The following BTG4 variants were observed in gnomAD, a reference collection of about 807,000 sequenced individuals.
BTG4 encodes BTG anti-proliferation factor 4, also known as protein BTG4.
Under a neutral mutation model 19.3 loss-of-function variants are expected in BTG4, and 10 were observed. That is an observed-to-expected ratio of 0.52 (90% confidence interval 0.32 to 0.88). The LOEUF is 0.88. BTG4 is among the 40% of genes least tolerant of loss of function. BTG4 has a pLI of 0.04. For synonymous variants in BTG4, 91 were observed against 95.7 expected (o/e 0.95, Z 0.29); for missense variants, 238 against 281.9 (o/e 0.84, Z 1.11).
chr11:111,512,115 C>T (rs1300035851), intron 1 of BTG4, 66 bp downstream of exon 1: 3 of 152,148 alleles, frequency 2.0e-5, no homozygotes, highest in African/African-American at 7.2e-5. Flanking sequence ...AAGCCATCCT[C>T]CCATATGTCA....
chr11:111,480,611 T>C (rs769294105), intron 5 of BTG4, among the ~76,000 whole-genome samples: 1 of 151,780 alleles, frequency 6.6e-6, no homozygotes, highest in Non-Finnish European at 1.5e-5. Context: ...GAGTGTATTG[T>C]CCAACCAGAA....
intron 5 of BTG4, among the ~76,000 whole-genome samples, chr11:111,474,363 G>A (rs1277761756): frequency 6.6e-6 from 1 of 152,102 alleles, no homozygotes; most frequent in Non-Finnish European, 1.5e-5. Context: ...CCAAGATAGA[G>A]TAACCACCAT....
intron 5 of BTG4, among the ~76,000 whole-genome samples, chr11:111,480,550 T>C (rs1192010001): frequency 6.6e-6 from 1 of 151,958 alleles, no homozygotes; most frequent in African/African-American, 2.4e-5. Flanking sequence ...AAAAATCATA[T>C]CCTGGGGCAT....
At chr11:111,506,301 A>G (rs1866452460) in intron 1 of BTG4, among the ~76,000 whole-genome samples, 1 of 152,160 alleles carries the variant, frequency 6.6e-6, no homozygotes, top group Non-Finnish European at 1.5e-5. Context: ...ACACAATCAT[A>G]AAAGAAGAAT....
At chr11:111,408,430 C>A in the BTG4 span, among the ~76,000 whole-genome samples, 121 of 152,266 alleles carry the variant, frequency 7.9e-4, no homozygotes, top group Non-Finnish European at 1.3e-3. Context: ...AGACTCACTG[C>A]GGGGAAAACC....
At chr11:111,414,593 T>G in the BTG4 span, 1 of 152,300 alleles carries the variant, frequency 6.6e-6, no homozygotes. Flanking sequence ...AGATAAGATC[T>G]GGACAGGCTT....
the BTG4 span, among the ~76,000 whole-genome samples, chr11:111,445,875 T>G: frequency 1.3e-5 from 2 of 152,154 alleles, no homozygotes; most frequent in Non-Finnish European, 2.9e-5. Context: ...CCCTTCCAGC[T>G]CTACTACTCT....
intron 5 of BTG4, among the ~76,000 whole-genome samples, chr11:111,489,419 A>G (rs1391198054): frequency 1.3e-5 from 2 of 152,176 alleles, no homozygotes; most frequent in African/African-American, 4.8e-5. Context: ...TGATCCAGCA[A>G]TCCCACCGCT....
intron 5 of BTG4, among the ~76,000 whole-genome samples, chr11:111,473,917 A>G (rs1565444226): frequency 1.3e-5 from 2 of 152,172 alleles, no homozygotes; most frequent in Non-Finnish European, 1.5e-5. Context: ...TGTTTTACAA[A>G]AGTTTATTTT....
downstream of BTG4, chr11:111,462,861 G>C (rs1470059305): frequency 6.5e-6 from 1 of 152,688 alleles, no homozygotes; most frequent in African/African-American, 2.4e-5. Context: ...GGAAGGTGAC[G>C]CTCTGAGGCT....
At chr11:111,467,486 C>A (rs1863790566), downstream of BTG4, 2 of 506,712 alleles carry the variant, frequency 3.9e-6, no homozygotes, top group Non-Finnish European at 3.5e-6. Context: ...TTGGCTGATG[C>A]CACGTAGCTG....
the BTG4 span, among the ~76,000 whole-genome samples, chr11:111,419,553 G>A: frequency 6.6e-6 from 1 of 152,252 alleles, no homozygotes; most frequent in East Asian, 1.9e-4. Context: ...GACTAGGGTG[G>A]GAAATGACAA....
the BTG4 span, among the ~76,000 whole-genome samples, chr11:111,422,965 C>T: frequency 6.6e-6 from 1 of 152,190 alleles, no homozygotes; most frequent in Non-Finnish European, 1.5e-5. Flanking sequence ...GTGAGACTCC[C>T]TGTGTCAGGA....
chr11:111,411,737 G>A, the BTG4 span, among the ~76,000 whole-genome samples: 7 of 152,306 alleles, frequency 4.6e-5, no homozygotes, highest in African/African-American at 1.7e-4. Flanking sequence ...AGAGTATACA[G>A]CATTTATTGA....
chr11:111,394,011 T>C, the BTG4 span, among the ~76,000 whole-genome samples: 3 of 152,192 alleles, frequency 2.0e-5, no homozygotes, highest in African/African-American at 7.2e-5. Flanking sequence ...ACGATACAGA[T>C]ACAAGAGTTC....
the BTG4 span, among the ~76,000 whole-genome samples, chr11:111,428,860 G>A: frequency 6.6e-6 from 1 of 152,158 alleles, no homozygotes; most frequent in Non-Finnish European, 1.5e-5. Flanking sequence ...AATACAGTGT[G>A]AGGGTCTCAT....
intron 5 of BTG4, among the ~76,000 whole-genome samples, chr11:111,483,108 A>G (rs570410705): frequency 6.6e-6 from 1 of 152,246 alleles, no homozygotes; most frequent in South Asian, 2.1e-4. Flanking sequence ...AAAATAACCC[A>G]GCCCACCAAG....
the BTG4 span, among the ~76,000 whole-genome samples, chr11:111,412,333 A>G: frequency 6.6e-6 from 1 of 152,252 alleles, no homozygotes; most frequent in Non-Finnish European, 1.5e-5. Context: ...TTAGGATACA[A>G]GAAACGAGTT....
the BTG4 span, among the ~76,000 whole-genome samples, chr11:111,395,080 T>C: frequency 6.6e-6 from 1 of 152,234 alleles, no homozygotes; most frequent in African/African-American, 2.4e-5. Context: ...GGAGAATTTT[T>C]TCCTGGAGCA....
Sources: allele counts gnomAD v4.1 joint callset (sites outside exome capture counted in the v4.1 genomes callset), GRCh38; gene constraint gnomAD v4.1.1; transcripts MANE v1.5; gene names NCBI Gene and HGNC (gene_info 2026-07-23, HGNC 2026-07-21).